NAPB: variants seen among roughly 807,000 people sequenced by gnomAD.
NAPB encodes NSF attachment protein beta.
NAPB carries 26 observed loss-of-function variants against 44.7 expected under a neutral mutation model. The observed-to-expected ratio is 0.58, with a 90% CI of 0.43 to 0.81. The LOEUF is 0.81. NAPB is among the 30% of genes least tolerant of loss of function. NAPB has a pLI of 0.00. For missense variants in NAPB, 315 were observed against 356.4 expected, an observed-to-expected ratio of 0.88 and a Z score of 0.94; for synonymous variants, 120 against 116.8, an observed-to-expected ratio of 1.03 and a Z score of -0.18.
At chr20:23,396,841 C>T (rs1984403451) in intron 3 of NAPB, 1 of 305,808 alleles carries the variant, frequency 3.3e-6, no homozygotes, top group Non-Finnish European at 5.9e-6. Context: ...TTAAATGATG[C>T]TATAAAGTAA....
At chr20:23,397,787 T>A (rs976182480) in intron 2 of NAPB, among the ~76,000 whole-genome samples, 3 of 152,264 alleles carry the variant, frequency 2.0e-5, no homozygotes, top group Non-Finnish European at 4.4e-5. Flanking sequence ...TAATCTATTT[T>A]ACCCCATTTA....
intron 1 of NAPB, among the ~76,000 whole-genome samples, chr20:23,417,408 C>T (rs866368090): frequency 6.6e-6 from 1 of 152,168 alleles, no homozygotes; most frequent in East Asian, 1.9e-4. Context: ...TAAGCACTTT[C>T]TTCTATGTGC....
intron 1 of NAPB, among the ~76,000 whole-genome samples, chr20:23,415,004 A>G (rs1985906764): frequency 6.6e-6 from 1 of 152,194 alleles, no homozygotes; most frequent in Non-Finnish European, 1.5e-5. Flanking sequence ...TACATGAATT[A>G]AGATTTAAAT....
At chr20:23,420,114 C>CA (rs1169075545) in intron 1 of NAPB, among the ~76,000 whole-genome samples, 1 of 152,184 alleles carries the variant, frequency 6.6e-6, no homozygotes, top group Non-Finnish European at 1.5e-5. Context: ...CAGGCACACA[C>CA]AAAATTTCTG....
At chr20:23,396,507 T>C (rs1314294616) in intron 3 of NAPB, among the ~76,000 whole-genome samples, 1 of 152,252 alleles carries the variant, frequency 6.6e-6, no homozygotes, top group Admixed American at 6.5e-5. Flanking sequence ...TTAATTACAC[T>C]CTTCTAACTA....
intron 1 of NAPB, among the ~76,000 whole-genome samples, chr20:23,413,764 T>C (rs953730989): frequency 6.6e-5 from 10 of 152,110 alleles, no homozygotes; most frequent in African/African-American, 2.4e-4. Flanking sequence ...TTTACCAAAA[T>C]TGACCTCAGT....
intron 7 of NAPB, among the ~76,000 whole-genome samples, chr20:23,384,750 C>T (rs1271786988): frequency 1.3e-5 from 2 of 152,116 alleles, no homozygotes; most frequent in Non-Finnish European, 2.9e-5. Flanking sequence ...TAAGCCCTAA[C>T]ATATAAATAA....
intron 7 of NAPB, among the ~76,000 whole-genome samples, chr20:23,381,741 G>C (rs1983018083): frequency 6.6e-6 from 1 of 152,154 alleles, no homozygotes; most frequent in African/African-American, 2.4e-5. Context: ...CAGATAAAAA[G>C]AGAAGAGACA....
intron 6 of NAPB, 88 bp downstream of exon 6, chr20:23,390,121 G>A: frequency 2.0e-6 from 3 of 1,507,224 alleles, no homozygotes; most frequent in Non-Finnish European, 1.8e-6. Flanking sequence ...ATTTGGTATA[G>A]TCAAATACAC....
intron 1 of NAPB, among the ~76,000 whole-genome samples, chr20:23,415,856 C>CT (rs2123267129): frequency 6.6e-6 from 1 of 152,110 alleles, no homozygotes; most frequent in South Asian, 2.1e-4. Flanking sequence ...GTCCTAGCTA[C>CT]TTGGGAGGCT....
chr20:23,397,226 T>TC (rs766506671), intron 2 of NAPB, 38 bp from the exon 3 acceptor site: 56 of 1,584,038 alleles, frequency 3.5e-5, no homozygotes, highest in Admixed American at 1.7e-4. Flanking sequence ...GAGGAACAAG[T>TC]CCCCCCCAGA....
At chr20:23,408,458 C>A (rs1473283712) in intron 1 of NAPB, among the ~76,000 whole-genome samples, 1 of 152,174 alleles carries the variant, frequency 6.6e-6, no homozygotes, top group Non-Finnish European at 1.5e-5. Context: ...AGAAAGAATC[C>A]AGAAGAGAGG....
At chr20:23,417,080 A>C (rs1284456931) in intron 1 of NAPB, among the ~76,000 whole-genome samples, 1 of 139,830 alleles carries the variant, frequency 7.2e-6, no homozygotes. Flanking sequence ...TTCCACTGGC[A>C]TTCTTTTTTT....
chr20:23,384,200 A>T (rs866421420), intron 7 of NAPB, among the ~76,000 whole-genome samples: 1 of 152,182 alleles, frequency 6.6e-6, no homozygotes, highest in Admixed American at 6.5e-5. Flanking sequence ...ACAGATTTTG[A>T]TATATGAGAG....
intron 2 of NAPB, among the ~76,000 whole-genome samples, chr20:23,397,399 C>T (rs1033904266): frequency 2.6e-5 from 4 of 152,194 alleles, no homozygotes; most frequent in African/African-American, 9.7e-5. Flanking sequence ...TCCACCTCAG[C>T]TCCAGCAGAC....
intron 1 of NAPB, among the ~76,000 whole-genome samples, chr20:23,419,038 C>T (rs768520877): frequency 8.2e-4 from 125 of 152,116 alleles, no homozygotes; most frequent in Non-Finnish European, 1.6e-3. Context: ...ATAACTGGAG[C>T]TGATAATTTT....
intron 2 of NAPB, among the ~76,000 whole-genome samples, chr20:23,397,486 CTCAAT>C (rs1208338850): frequency 6.6e-6 from 1 of 152,238 alleles, no homozygotes; most frequent in Non-Finnish European, 1.5e-5. Flanking sequence ...TCTTGGGCTA[CTCAAT>C]TCAATTCCAC....
intron 5 of NAPB, among the ~76,000 whole-genome samples, chr20:23,394,171 G>C (rs1356821970): frequency 6.6e-6 from 1 of 152,158 alleles, no homozygotes; most frequent in Non-Finnish European, 1.5e-5. Context: ...TGCTTAGAAG[G>C]CTCACTCTGG....
intron 1 of NAPB, among the ~76,000 whole-genome samples, chr20:23,418,781 C>CAA (rs921452946): frequency 0.072 from 8,669 of 120,374 alleles, 565 homozygotes; most frequent in African/African-American, 0.19. Flanking sequence ...ACTAAAAATA[C>CAA]AAAAAAAAAA....
Sources: gnomAD v4.1 joint callset for allele counts (sites outside exome capture counted in the v4.1 genomes callset) on GRCh38, gnomAD v4.1.1 for gene constraint, MANE v1.5 for transcripts, NCBI Gene and HGNC (gene_info 2026-07-23, HGNC 2026-07-21) for gene names.